Variants in UGT1A7 observed in about 807,000 individuals in gnomAD.
The protein encoded by UGT1A7 is UDP glucuronosyltransferase family 1 member A7, also known as UDP-glucuronosyltransferase 1A7.
UGT1A7 carries 33 observed loss-of-function variants against 45.6 expected under a neutral mutation model. The ratio of observed to expected loss-of-function variants is 0.72; its 90% CI spans 0.55 to 0.97. UGT1A7 has a LOEUF of 0.97. Among genes scored for constraint, UGT1A7 ranks in the 50% least tolerant of loss-of-function variants. The pLI is 0.00. For missense variants in UGT1A7, 684 were observed against 666.2 expected (o/e 1.03, Z -0.29); for synonymous variants, 274 against 250.6 (o/e 1.09, Z -0.88).
intron 1 of UGT1A7, among the ~76,000 whole-genome samples, chr2:233,739,789 G>C (rs1409404802): frequency 6.6e-6 from 1 of 152,118 alleles, no homozygotes; most frequent in African/African-American, 2.4e-5. Context: ...AGACTTTGGA[G>C]GACAGTTGGG....
chr2:233,747,345 C>G (rs905208353), intron 1 of UGT1A7: 1 of 1,602,430 alleles, frequency 6.2e-7, no homozygotes, highest in Admixed American at 1.7e-5. Context: ...GGCTCGCATG[C>G]GGGAGGCCGT....
chr2:233,759,224 T>C (rs1471050247), intron 1 of UGT1A7, among the ~76,000 whole-genome samples: 1 of 152,116 alleles, frequency 6.6e-6, no homozygotes, highest in Non-Finnish European at 1.5e-5. Flanking sequence ...TTTATGCAAA[T>C]GAAGGATGGA....
chr2:233,716,551 C>A (rs886765309), intron 1 of UGT1A7, among the ~76,000 whole-genome samples: 2 of 152,122 alleles, frequency 1.3e-5, no homozygotes, highest in Admixed American at 6.5e-5. Context: ...TCCTTATATT[C>A]CTTTTTTCAT....
chr2:233,718,096 T>G (rs2076629301), intron 1 of UGT1A7: 1 of 328,356 alleles, frequency 3.0e-6, no homozygotes, highest in Admixed American at 3.8e-5. Context: ...CATGTGTGCT[T>G]TAGACAGCAG....
intron 1 of UGT1A7, among the ~76,000 whole-genome samples, chr2:233,766,453 G>C (rs1699157656): frequency 6.6e-6 from 1 of 152,214 alleles, no homozygotes; most frequent in Non-Finnish European, 1.5e-5. Context: ...TGCCTGCTAG[G>C]GTCTTGGGGT....
At chr2:233,692,837 T>C in intron 1 of UGT1A7, 1 of 1,449,168 alleles carries the variant, frequency 6.9e-7, no homozygotes, top group South Asian at 1.5e-5. Context: ...ATTAAAATGG[T>C]TAAATATTAA....
chr2:233,728,044 C>T (rs568632744), intron 1 of UGT1A7, among the ~76,000 whole-genome samples: 1 of 152,330 alleles, frequency 6.6e-6, no homozygotes, highest in African/African-American at 2.4e-5. Context: ...GGATAAGCCT[C>T]ATTGGGCTTG....
intron 1 of UGT1A7, chr2:233,760,484 T>C: frequency 6.2e-7 from 1 of 1,614,248 alleles, no homozygotes; most frequent in Non-Finnish European, 8.5e-7. Flanking sequence ...GACGCCTCGT[T>C]GTACATCAGA....
chr2:233,724,710 C>G (rs1205860523), intron 1 of UGT1A7, among the ~76,000 whole-genome samples: 2 of 144,674 alleles, frequency 1.4e-5, no homozygotes, highest in African/African-American at 5.2e-5. Context: ...TCCTCGCTTT[C>G]CAGACTGGGC....
At position 233,682,174 on chromosome 2, in the gene UGT1A7, C is replaced by T. The variant is rs1233717806; in HGVS notation, c.237C>T (p.Thr79=). The change falls in exon 1 of 5, where the codon ACC becomes ACT. Residue 79 remains threonine (T), a synonymous_variant. Coordinates refer to ENST00000373426, the MANE Select transcript of UGT1A7 (RefSeq NM_019077.3). ...ATTGCACAGTGAAGACTTACTCAAC[C>T]TCATACACTCTGGAGGATCAGGACC... ...SLNCTVKTYS[T]SYTLEDQDRE... 1 of 1,614,200 alleles carries T rather than the reference C, an allele frequency of 6.2e-7. No homozygotes were observed. The highest frequency in any genetic ancestry group is 8.5e-7 in the Non-Finnish European group (1 of 1,180,036).
intron 1 of UGT1A7, among the ~76,000 whole-genome samples, chr2:233,688,534 TTACATCACA>T (rs2074899517): frequency 6.6e-6 from 1 of 152,192 alleles, no homozygotes; most frequent in Admixed American, 6.5e-5. Context: ...TGGGTTTGAC[TTACATCACA>T]TGGTCTCTAA....
In UGT1A7 at chr2:233,682,538, A is replaced by G; in HGVS notation, c.601A>G (p.Met201Val). 3.7e-6 allele frequency: 6 copies of G among 1,613,908 alleles called. No homozygotes were observed. Among genetic ancestry groups the G allele is most frequent in the Non-Finnish European group, 5.1e-6 (6 of 1,179,840 alleles). Residue 201 changes from methionine to valine, a missense_variant, in exon 1 of 5, where the codon ATG (methionine) becomes GTG (valine). Transcript: ENST00000373426. Reference sequence around the variant, plus strand: ...ACTTCTCTTAGGGTTCTCAGACGCCATGACTTTCAAGGAGAGAGTATGGAA... The same window carrying G: ...ACTTCTCTTAGGGTTCTCAGACGCCGTGACTTTCAAGGAGAGAGTATGGAA... ...PRLLLGFSDA[M>V]TFKERVWNHI...
At chr2:233,714,240 G>A (rs974557755) in intron 1 of UGT1A7, among the ~76,000 whole-genome samples, 4 of 152,188 alleles carry the variant, frequency 2.6e-5, no homozygotes, top group Non-Finnish European at 4.4e-5. Flanking sequence ...TCAGTAGAAA[G>A]GAGGAAGGAA....
At chr2:233,729,404 T>C (rs2077851412) in intron 1 of UGT1A7, 1 of 1,613,884 alleles carries the variant, frequency 6.2e-7, no homozygotes, top group East Asian at 2.2e-5. Flanking sequence ...GATCGCCATG[T>C]GCTGGGCCAC....
intron 1 of UGT1A7, among the ~76,000 whole-genome samples, chr2:233,739,357 C>T (rs1308637370): frequency 6.6e-6 from 1 of 152,104 alleles, no homozygotes; most frequent in African/African-American, 2.4e-5. Context: ...AGGGCAGATC[C>T]AATAGCTTGC....
rs200729912 is a variant in UGT1A7 at position 233,749,181 on chromosome 2, T to A, written c.856-17853T>A. Among the ~76,000 whole-genome samples, 4 of 151,898 alleles carry A rather than the reference T, an allele frequency of 2.6e-5. No homozygotes were observed. The East Asian group carries it at 7.7e-4, about 29-fold the overall frequency. On this transcript the variant is annotated intron_variant, in intron 1 of 4. Transcript: ENST00000373426. The stretch of plus-strand genomic sequence containing the variant: ...CCTTTTGTATTTTTATTTCTGTACT[T>A]CTTTTTATTAACATAGGTATTATTG...
intron 1 of UGT1A7, chr2:233,747,346 G>C (rs1006096980): frequency 6.2e-7 from 1 of 1,603,162 alleles, no homozygotes; most frequent in East Asian, 2.2e-5. Context: ...GCTCGCATGC[G>C]GGAGGCCGTG....
At chr2:233,685,329 G>A (rs1252071840) in intron 1 of UGT1A7, among the ~76,000 whole-genome samples, 3 of 152,178 alleles carry the variant, frequency 2.0e-5, no homozygotes, top group East Asian at 3.9e-4. Flanking sequence ...CACCACACCC[G>A]GACTTAAAGT....
chr2:233,695,584 C>A (rs28899170), intron 1 of UGT1A7, among the ~76,000 whole-genome samples: 43,733 of 151,366 alleles, frequency 0.29, 6,589 homozygotes, highest in South Asian at 0.36. Context: ...CCCTACTTAC[C>A]CTTTCCACCT....
Sources: allele counts gnomAD v4.1 joint callset (sites outside exome capture counted in the v4.1 genomes callset), GRCh38; gene constraint gnomAD v4.1.1; transcripts MANE v1.5; gene names NCBI Gene and HGNC (gene_info 2026-07-23, HGNC 2026-07-21).